SLC39A12: variants seen among roughly 807,000 people sequenced by gnomAD.
SLC39A12 encodes zinc transporter ZIP12.
SLC39A12 carries 63 observed loss-of-function variants against 71.1 expected under a neutral mutation model. The observed-to-expected ratio is 0.89, with a 90% confidence interval of 0.72 to 1.09. SLC39A12 has a LOEUF of 1.09. SLC39A12 is among the 50% of genes least tolerant of loss of function. The pLI, the probability that SLC39A12 is intolerant of heterozygous loss-of-function variation, is 0.00. For synonymous variants in SLC39A12, 351 were observed against 301.3 expected, an observed-to-expected ratio of 1.16 and a Z score of -1.71; for missense variants, 892 against 812.6, an observed-to-expected ratio of 1.10 and a Z score of -1.19.
chr10:17,981,997 C>G (rs1408185196), intron 6 of SLC39A12, among the ~76,000 whole-genome samples: 2 of 152,136 alleles, frequency 1.3e-5, no homozygotes, highest in African/African-American at 4.8e-5. Flanking sequence ...CTCCCCAAGA[C>G]TGTTTCTTTT....
intron 10 of SLC39A12, among the ~76,000 whole-genome samples, chr10:17,996,267 T>C (rs563947886): frequency 0.049 from 7,430 of 152,240 alleles, 225 homozygotes; most frequent in South Asian, 0.081. Flanking sequence ...GATTTTTTTC[T>C]TCTGCATTTA....
intron 12 of SLC39A12, among the ~76,000 whole-genome samples, chr10:18,040,020 TA>T (rs1258446230): frequency 6.6e-6 from 1 of 152,216 alleles, no homozygotes; most frequent in Non-Finnish European, 1.5e-5. Context: ...TTGTTAACTA[TA>T]TGAGAAACTT....
chr10:18,025,237 T>G (rs957540421), intron 12 of SLC39A12, among the ~76,000 whole-genome samples: 1 of 8,390 alleles, frequency 1.2e-4, no homozygotes, highest in South Asian at 1.3e-3. Context: ...TTTATTTTTA[T>G]TTTTTTTTAT....
At chr10:18,030,067 G>T (rs1836793280) in intron 12 of SLC39A12, among the ~76,000 whole-genome samples, 1 of 150,434 alleles carries the variant, frequency 6.6e-6, no homozygotes, top group Non-Finnish European at 1.5e-5. Context: ...ATACTAAAAA[G>T]AGCCAAGTAT....
intron 12 of SLC39A12, among the ~76,000 whole-genome samples, chr10:18,029,370 C>T (rs1352650128): frequency 1.3e-5 from 2 of 152,110 alleles, no homozygotes; most frequent in Admixed American, 6.6e-5. Flanking sequence ...AACTCAACAA[C>T]GGCAGGCCAA....
At chr10:18,025,180 G>A (rs1402984785) in intron 12 of SLC39A12, among the ~76,000 whole-genome samples, 1 of 151,064 alleles carries the variant, frequency 6.6e-6, no homozygotes, top group South Asian at 2.1e-4. Context: ...CATTTTTTTT[G>A]CCTTTTGGTT....
At chr10:18,038,210 C>T (rs1188189580) in intron 12 of SLC39A12, among the ~76,000 whole-genome samples, 1 of 151,712 alleles carries the variant, frequency 6.6e-6, no homozygotes, top group Non-Finnish European at 1.5e-5. Context: ...ATAATGCCGT[C>T]ATTTATATAC....
chr10:17,962,324 A>G (rs533269954), intron 3 of SLC39A12, among the ~76,000 whole-genome samples: 2 of 152,210 alleles, frequency 1.3e-5, no homozygotes, highest in African/African-American at 4.8e-5. Context: ...AGCATTACTC[A>G]TGGTTGCCAG....
chr10:18,000,862 T>C, intron 11 of SLC39A12, 37 bp downstream of exon 11: 1 of 1,588,112 alleles, frequency 6.3e-7, no homozygotes, highest in Non-Finnish European at 8.6e-7. Context: ...TCTGGCCTGT[T>C]GAGAAAGAAA....
intron 10 of SLC39A12, among the ~76,000 whole-genome samples, chr10:17,999,621 T>C (rs1416637999): frequency 6.6e-6 from 1 of 152,240 alleles, no homozygotes; most frequent in African/African-American, 2.4e-5. Flanking sequence ...AATTATTTCA[T>C]TGGCTCTCTC....
chr10:17,983,015 C>T (rs1430636343), intron 6 of SLC39A12, among the ~76,000 whole-genome samples: 1 of 151,262 alleles, frequency 6.6e-6, no homozygotes, highest in Non-Finnish European at 1.5e-5. Flanking sequence ...GCAGTGAAAC[C>T]CCGTCTCTAC....
At chr10:17,971,360 C>T (rs191475091) in intron 4 of SLC39A12, among the ~76,000 whole-genome samples, 28 of 141,476 alleles carry the variant, frequency 2.0e-4, no homozygotes, top group African/African-American at 6.3e-4. Context: ...GGAATGAGTT[C>T]GGAAGTACTC....
At position 17,997,018 on chromosome 10, in the gene SLC39A12, G is replaced by A. The variant is rs564788136; in HGVS notation, c.1600+1296G>A. Among the ~76,000 whole-genome samples the A allele has an allele frequency of 1.7e-3, 78 of 46,308 alleles. 1 individual carries two copies. The South Asian group carries it at 0.032, about 19-fold the overall frequency. 30.4% of individuals were successfully genotyped at this position (46,308 alleles called of 152,430 possible). On this transcript the variant is annotated intron_variant, in intron 10 of 12. Coordinates refer to ENST00000377369, the MANE Select transcript of SLC39A12 (RefSeq NM_001145195.2). Reference sequence around the variant, plus strand: ...AGTCTGTGCAACAGAGTGAGACTCCGTCTCAAAAAAAAAAAAAAAGAAAAA... The same window carrying A: ...AGTCTGTGCAACAGAGTGAGACTCCATCTCAAAAAAAAAAAAAAAGAAAAA...
chr10:18,040,107 A>G (rs1418734306), intron 12 of SLC39A12, among the ~76,000 whole-genome samples: 1 of 152,242 alleles, frequency 6.6e-6, no homozygotes, highest in Non-Finnish European at 1.5e-5. Flanking sequence ...ACATGAAATC[A>G]GATGTTTCAG....
At chr10:18,041,218 C>T (rs1015399784) in intron 12 of SLC39A12, among the ~76,000 whole-genome samples, 1 of 152,028 alleles carries the variant, frequency 6.6e-6, no homozygotes, top group Non-Finnish European at 1.5e-5. Flanking sequence ...TGAACCCTTC[C>T]CTCTAAATGG....
chr10:17,991,280 C>T lies in SLC39A12; in HGVS notation c.1399C>T (p.Leu467Phe), dbSNP rs1324397097. The change falls in exon 8 of 13, where the codon CTT becomes TTT. Residue 467 changes from leucine to phenylalanine, a missense_variant. Physicochemically the swap from Leu to Phe is conservative, Grantham distance 22 (BLOSUM62 0). Transcript: ENST00000377369. ...TTTCTTGATAGAAAAATGTTTTATT[C>T]TTCTTGTATCACCAAATGACAAGGT... Reference protein sequence around the residue: ...GFFLIEKCFILLVSPNDKQGL... With the variant: ...GFFLIEKCFIFLVSPNDKQGL... 1.9e-6 allele frequency: 3 copies of T among 1,590,192 alleles called. No individual in the cohort carries two copies. The highest frequency in any genetic ancestry group is 4.5e-5 in the East Asian group (2 of 44,286).
chr10:18,018,631 A>G (rs528670243), intron 12 of SLC39A12, among the ~76,000 whole-genome samples: 118 of 152,290 alleles, frequency 7.7e-4, no homozygotes, highest in African/African-American at 2.6e-3. Context: ...ACCTATTGAT[A>G]TGATCATGTA....
rs782477698 is a variant in SLC39A12, at chr10:17,953,458, CAAG to C, written c.186_188del (p.Arg62del). On this transcript the variant is annotated inframe_deletion, in exon 2 of 13. Transcript: ENST00000377369. ...GGTGACCACCCACCCCACAACCACTCAAGAAGCCTCATCAAAACATTGTTGGAG... is the reference window on the plus strand; with the variant it reads ...GGTGACCACCCACCCCACAACCACTCAAGCCTCATCAAAACATTGTTGGAG... The C allele has an allele frequency of 6.2e-7, 1 of 1,614,068 alleles. No homozygotes were observed. The highest frequency in any genetic ancestry group is 8.5e-7 in the Non-Finnish European group (1 of 1,180,046).
intron 12 of SLC39A12, among the ~76,000 whole-genome samples, chr10:18,018,908 T>C (rs549357607): frequency 1.3e-5 from 2 of 152,282 alleles, no homozygotes; most frequent in African/African-American, 4.8e-5. Context: ...CCTCACAAAA[T>C]GAGTTAGGAA....
Sources: allele counts gnomAD v4.1 joint callset (sites outside exome capture counted in the v4.1 genomes callset), GRCh38; gene constraint gnomAD v4.1.1; transcripts MANE v1.5; gene names NCBI Gene and HGNC (gene_info 2026-07-23, HGNC 2026-07-21).